SNX16: variants seen among roughly 807,000 people sequenced by gnomAD.
The protein encoded by SNX16 is sorting nexin-16.
SNX16 carries 35 observed loss-of-function variants against 36.7 expected under a neutral mutation model. That is an observed-to-expected ratio of 0.95 (90% confidence interval 0.73 to 1.27). SNX16 has a LOEUF of 1.27. SNX16 is among the 50% of genes most tolerant of loss of function. The pLI is 0.00. For missense variants in SNX16, 367 were observed against 393.6 expected (o/e 0.93, Z 0.57); for synonymous variants, 134 against 132.0 (o/e 1.02, Z -0.10).
intron 5 of SNX16, among the ~76,000 whole-genome samples, chr8:81,806,756 T>C (rs938990254): frequency 2.0e-5 from 3 of 152,040 alleles, no homozygotes; most frequent in African/African-American, 4.8e-5. Flanking sequence ...GGGGATATGA[T>C]TACCGATATG....
intron 5 of SNX16, chr8:81,814,554 T>C (rs1036674019): frequency 1.3e-5 from 2 of 152,066 alleles, no homozygotes; most frequent in African/African-American, 4.8e-5. Context: ...GTTACAGTGA[T>C]GATGGTAACT....
Position 81,804,816 on chromosome 8 carries a change from A to G in SNX16, c.682-1588T>C, listed in dbSNP as rs1263161495. On this transcript the variant is annotated intron_variant, in intron 5 of 7. Coordinates refer to ENST00000345957, the MANE Select transcript of SNX16 (RefSeq NM_152836.3). ...TTAATATCTGACAGAATGCAGTTCA[A>G]GGTGATAAACATTATTAGGCACAAA... Among the ~76,000 whole-genome samples, 6 of 152,236 alleles carry G rather than the reference A, an allele frequency of 3.9e-5. No individual in the cohort carries two copies. The East Asian group carries it at 1.2e-3, about 29-fold the overall frequency.
intron 3 of SNX16, among the ~76,000 whole-genome samples, chr8:81,827,078 A>G (rs1192831589): frequency 6.6e-6 from 1 of 152,160 alleles, no homozygotes; most frequent in African/African-American, 2.4e-5. Context: ...ACTGATGGGT[A>G]GAGCTCTTTC....
chr8:81,837,248 T>C (rs1477543400), intron 2 of SNX16, among the ~76,000 whole-genome samples: 1 of 152,216 alleles, frequency 6.6e-6, no homozygotes, highest in Non-Finnish European at 1.5e-5. Flanking sequence ...GCCTGAGGCA[T>C]AATAGGTAAT....
intron 4 of SNX16, among the ~76,000 whole-genome samples, chr8:81,816,994 T>G (rs1435826810): frequency 2.0e-5 from 3 of 152,208 alleles, no homozygotes; most frequent in African/African-American, 7.2e-5. Flanking sequence ...GGTCTTCTGA[T>G]GTAGATATTA....
chr8:81,808,502 TA>T, intron 5 of SNX16: 1 of 968,168 alleles, frequency 1.0e-6, no homozygotes, highest in Non-Finnish European at 1.6e-6. Flanking sequence ...GGGATGGCTA[TA>T]AGGGATTTGG....
intron 5 of SNX16, among the ~76,000 whole-genome samples, chr8:81,811,598 A>G (rs1810255009): frequency 6.6e-6 from 1 of 152,154 alleles, no homozygotes; most frequent in Admixed American, 6.6e-5. Flanking sequence ...CTGAGAAAAG[A>G]CATCAGTGAC....
At chr8:81,802,282 G>A in intron 7 of SNX16, 98 bp downstream of exon 7, 1 of 849,110 alleles carries the variant, frequency 1.2e-6, no homozygotes, top group Non-Finnish European at 1.6e-6. Context: ...TCGTGATACA[G>A]TAACACTGAG....
At chr8:81,804,786 T>C (rs1377197977) in intron 5 of SNX16, among the ~76,000 whole-genome samples, 2 of 152,094 alleles carry the variant, frequency 1.3e-5, no homozygotes, top group Non-Finnish European at 2.9e-5. Context: ...AAAGTTGTAG[T>C]TTTCTTAATA....
chr8:81,817,253 C>T (rs577691782), intron 4 of SNX16, among the ~76,000 whole-genome samples: 2 of 152,096 alleles, frequency 1.3e-5, no homozygotes, highest in African/African-American at 2.4e-5. Context: ...TTTAATGTTG[C>T]TTTTATGTTT....
chr8:81,839,542 C>T (rs1157842145), intron 2 of SNX16, 70 bp downstream of exon 2: 2 of 1,379,434 alleles, frequency 1.4e-6, no homozygotes, highest in Non-Finnish European at 2.0e-6. Flanking sequence ...ATTAATTTAA[C>T]ACTGGTTTGA....
rs1810899275 is a variant in SNX16, at chr8:81,824,074, T to C, written c.463-134A>G. 8 of 810,914 alleles carry C rather than the reference T, an allele frequency of 9.9e-6. No individual in the cohort carries two copies. In the East Asian group the frequency reaches 2.3e-4, roughly 23 times the overall value. The allele number at this position is 810,914 out of a possible 1,614,324, so 50.2% of individuals were successfully genotyped here. ...AAAGAATTAAATTCAGTTAAGCTTTTTATGCCTTGTTTTATTTCTTGTTTT... is the reference window on the plus strand; with the variant it reads ...AAAGAATTAAATTCAGTTAAGCTTTCTATGCCTTGTTTTATTTCTTGTTTT... On this transcript the variant is annotated intron_variant, in intron 3 of 7. Coordinates refer to ENST00000345957, the MANE Select transcript of SNX16 (RefSeq NM_152836.3).
chr8:81,827,361 G>C (rs1811065534), intron 3 of SNX16, among the ~76,000 whole-genome samples: 1 of 152,046 alleles, frequency 6.6e-6, no homozygotes, highest in African/African-American at 2.4e-5. Context: ...GAAACTGTTT[G>C]AAATTAGTCT....
intron 2 of SNX16, among the ~76,000 whole-genome samples, 154 bp from the exon 3 acceptor site, chr8:81,829,670 T>G (rs1187012667): frequency 2.0e-5 from 3 of 152,086 alleles, no homozygotes; most frequent in African/African-American, 7.2e-5. Flanking sequence ...TTATCAAAAG[T>G]ACAAATAATC....
chr8:81,841,454 A>G (rs1455659408), intron 1 of SNX16, among the ~76,000 whole-genome samples: 1 of 151,800 alleles, frequency 6.6e-6, no homozygotes, highest in Non-Finnish European at 1.5e-5. Context: ...GTTCCGCCTG[A>G]CGGCCTCCCC....
Position 81,839,722 on chromosome 8 carries a change from T to C in SNX16, c.265A>G (p.Arg89Gly), listed in dbSNP as rs141558862. 1,765 of 1,614,038 alleles carry C rather than the reference T, an allele frequency of 1.1e-3. 13 individuals carry two copies. The African/African-American group carries it at 0.02, about 19-fold the overall frequency. The change falls in exon 2 of 8, where the codon AGA becomes GGA. Residue 89 changes from arginine (R) to glycine (G), a missense_variant. Transcript: ENST00000345957. ...TTTTGTTCTTCAGTGTCTCTTGGTC[T>C]AGTAGAATACTCAATGGAAGAAGCT... The part of the protein sequence containing the change: ...GTASSIEYST[R>G]PRDTEEQNPE...
At chr8:81,815,469 T>C in intron 4 of SNX16, 75 bp from the exon 5 acceptor site, 1 of 1,240,768 alleles carries the variant, frequency 8.1e-7, no homozygotes, top group East Asian at 2.4e-5. Flanking sequence ...AAAGTTACTT[T>C]GAAGCTGTAC....
At chr8:81,807,445 G>A (rs566306188) in intron 5 of SNX16, among the ~76,000 whole-genome samples, 6 of 144,836 alleles carry the variant, frequency 4.1e-5, no homozygotes, top group African/African-American at 7.8e-5. Context: ...CTGGAATCCC[G>A]GAGGCAGACG....
intron 2 of SNX16, among the ~76,000 whole-genome samples, chr8:81,830,406 T>TA (rs1811199521): frequency 6.6e-6 from 1 of 151,144 alleles, no homozygotes; most frequent in Non-Finnish European, 1.5e-5. Context: ...CCATCTCTAC[T>TA]AAAATACAAA....
Sources: gnomAD v4.1 joint callset for allele counts (sites outside exome capture counted in the v4.1 genomes callset) on GRCh38, gnomAD v4.1.1 for gene constraint, MANE v1.5 for transcripts, NCBI Gene and HGNC (gene_info 2026-07-23, HGNC 2026-07-21) for gene names.